BRINP1: variants seen among roughly 807,000 people sequenced by gnomAD.
BRINP1 encodes BMP/retinoic acid inducible neural specific 1.
BRINP1 carries 17 observed loss-of-function variants against 72.9 expected under a neutral mutation model. The observed-to-expected ratio is 0.23, with a 90% CI of 0.16 to 0.35. The LOEUF is 0.35. BRINP1 is among the 10% of genes least tolerant of loss of function. The pLI, the probability that BRINP1 is intolerant of heterozygous loss-of-function variation, is 1.00. For synonymous variants in BRINP1, 418 were observed against 378.5 expected, an observed-to-expected ratio of 1.10 and a Z score of -1.21; for missense variants, 850 against 1,001.6, an observed-to-expected ratio of 0.85 and a Z score of 2.04.
chr9:119,264,995 A>T (rs1830533767), intron 2 of BRINP1, among the ~76,000 whole-genome samples: 1 of 152,194 alleles, frequency 6.6e-6, no homozygotes, highest in African/African-American at 2.4e-5. Flanking sequence ...AACACTGAAT[A>T]GGACACTGTC....
rs760601783 is a variant in BRINP1 at position 119,214,026 on chromosome 9, T to A, written c.815A>T (p.Glu272Val). 1 of 1,614,116 alleles carries A rather than the reference T, an allele frequency of 6.2e-7. No individual in the cohort carries two copies. Among genetic ancestry groups the A allele is most frequent in the Non-Finnish European group, 8.5e-7 (1 of 1,180,030 alleles). Residue 272 changes from glutamate (E) to valine (V), a missense_variant, in exon 6 of 8, where the codon GAG becomes GTG. Physicochemically the swap from Glu to Val is moderately radical, Grantham distance 121. Transcript: ENST00000265922. ...NSQCRCQCAE[E>V]FPQCNCPITD... ...GATGGGGCAGTTGCACTGCGGAAAC[T>A]CCTCGGCACATTGGCAGCGACACTG...
chr9:119,226,119 A>C (rs1210735914), intron 5 of BRINP1, among the ~76,000 whole-genome samples: 20 of 152,026 alleles, frequency 1.3e-4, no homozygotes, highest in Admixed American at 1.3e-3. Flanking sequence ...TCTGGAATAT[A>C]ATAGAGGCAC....
At chr9:119,358,131 A>C (rs1831587930) in intron 1 of BRINP1, among the ~76,000 whole-genome samples, 1 of 152,184 alleles carries the variant, frequency 6.6e-6, no homozygotes, top group African/African-American at 2.4e-5. Flanking sequence ...GAGATATAAC[A>C]TGTGACAACA....
chr9:119,338,643 C>T (rs112560764), intron 1 of BRINP1, among the ~76,000 whole-genome samples: 4 of 146,870 alleles, frequency 2.7e-5, no homozygotes, highest in Middle Eastern at 3.7e-3. Context: ...GAGGCCGAGG[C>T]GGGCGGATCA....
intron 7 of BRINP1, among the ~76,000 whole-genome samples, chr9:119,186,555 T>C (rs1829622664): frequency 6.6e-6 from 1 of 151,962 alleles, no homozygotes; most frequent in African/African-American, 2.4e-5. Flanking sequence ...CCAACTAGTC[T>C]CAGGTAATTG....
intron 2 of BRINP1, among the ~76,000 whole-genome samples, chr9:119,306,808 A>G (rs541736499): frequency 6.6e-6 from 1 of 152,280 alleles, no homozygotes; most frequent in South Asian, 2.1e-4. Context: ...CTCTTCATGC[A>G]TTGAACTGCC....
In BRINP1 at chr9:119,360,710, T is replaced by A. The variant is rs1831620427; in HGVS notation, c.-51+8346A>T. ...GTGGCTAAACGCGGCTGTTCTCCAT[T>A]ATCCCCAAGCTCCATTATTTCTCAC... On this transcript the variant is annotated intron_variant, in intron 1 of 7. Coordinates refer to ENST00000265922, the MANE Select transcript of BRINP1 (RefSeq NM_014618.3). Among the ~76,000 whole-genome samples the A allele has an allele frequency of 3.9e-5, 6 of 152,192 alleles. No homozygotes were observed. The South Asian group carries it at 1.2e-3, about 32-fold the overall frequency.
At chr9:119,311,941 G>A in intron 2 of BRINP1, among the ~76,000 whole-genome samples, 1 of 152,162 alleles carries the variant, frequency 6.6e-6, no homozygotes, top group East Asian at 1.9e-4. Flanking sequence ...ATGACTTAAA[G>A]TAACACACTC....
At chr9:119,237,802 T>C (rs891085663) in intron 5 of BRINP1, among the ~76,000 whole-genome samples, 1 of 151,792 alleles carries the variant, frequency 6.6e-6, no homozygotes, top group African/African-American at 2.4e-5. Context: ...GCTCGGACTA[T>C]AGGCGCACAC....
At chr9:119,234,457 C>G (rs1429427190) in intron 5 of BRINP1, among the ~76,000 whole-genome samples, 2 of 152,114 alleles carry the variant, frequency 1.3e-5, no homozygotes, top group Non-Finnish European at 2.9e-5. Context: ...TCTTTTCTTA[C>G]AAGACTATTT....
chr9:119,336,944 T>C (rs1831351753), intron 1 of BRINP1, among the ~76,000 whole-genome samples: 1 of 151,618 alleles, frequency 6.6e-6, no homozygotes, highest in Non-Finnish European at 1.5e-5. Context: ...TCCACGGAAA[T>C]GGGATGGGGA....
intron 5 of BRINP1, among the ~76,000 whole-genome samples, chr9:119,216,484 A>C (rs1019068326): frequency 3.3e-5 from 5 of 152,200 alleles, no homozygotes; most frequent in Non-Finnish European, 5.9e-5. Context: ...AATCAAGAAT[A>C]AAGTCCCTTC....
At chr9:119,277,581 G>C (rs1830669708) in intron 2 of BRINP1, among the ~76,000 whole-genome samples, 1 of 152,146 alleles carries the variant, frequency 6.6e-6, no homozygotes, top group African/African-American at 2.4e-5. Context: ...TTACAAGAGA[G>C]GAGCCTACTA....
chr9:119,238,589 C>T (rs1479218911), intron 5 of BRINP1, 66 bp downstream of exon 5: 20 of 961,036 alleles, frequency 2.1e-5, no homozygotes, highest in Non-Finnish European at 3.1e-5. Flanking sequence ...TCCTGATCCC[C>T]TCTCCCACAT....
intron 2 of BRINP1, among the ~76,000 whole-genome samples, chr9:119,269,200 A>T (rs958337944): frequency 6.6e-6 from 1 of 152,206 alleles, no homozygotes; most frequent in Non-Finnish European, 1.5e-5. Flanking sequence ...CAAAGCAGAC[A>T]TCTGAACTTC....
chr9:119,242,920 C>A (rs1204345817), intron 3 of BRINP1, among the ~76,000 whole-genome samples: 2 of 152,014 alleles, frequency 1.3e-5, no homozygotes, highest in Non-Finnish European at 2.9e-5. Context: ...AGAAAGGAAG[C>A]TCCAGGGAGC....
At chr9:119,268,293 T>TAGATAGATAGATAGACAGAC (rs1830574733) in intron 2 of BRINP1, among the ~76,000 whole-genome samples, 1 of 138,212 alleles carries the variant, frequency 7.2e-6, no homozygotes. Context: ...GATAGATAGA[T>TAGATAGATAGATAGACAGAC]AGATAGATAA....
At chr9:119,171,110 G>A (rs1304553488) in intron 7 of BRINP1, among the ~76,000 whole-genome samples, 1 of 150,656 alleles carries the variant, frequency 6.6e-6, no homozygotes, top group Non-Finnish European at 1.5e-5. Flanking sequence ...CATAATGACA[G>A]GATCAAATTC....
intron 2 of BRINP1, among the ~76,000 whole-genome samples, chr9:119,259,076 G>A (rs1306880193): frequency 6.6e-6 from 1 of 152,158 alleles, no homozygotes; most frequent in Non-Finnish European, 1.5e-5. Context: ...ACAAAATAGA[G>A]GATATCAAGG....
Sources: allele counts gnomAD v4.1 joint callset (sites outside exome capture counted in the v4.1 genomes callset), GRCh38; gene constraint gnomAD v4.1.1; transcripts MANE v1.5; gene names NCBI Gene and HGNC (gene_info 2026-07-23, HGNC 2026-07-21).